FSTL4: variants seen among roughly 807,000 people sequenced by gnomAD.
FSTL4 encodes follistatin-related protein 4.
In FSTL4, 28 loss-of-function variants were observed where a neutral mutation model predicts 78.2. The ratio of observed to expected loss-of-function variants is 0.36; its 90% CI spans 0.27 to 0.49. The LOEUF (loss-of-function observed/expected upper bound fraction) is 0.49, where lower values mean the gene tolerates loss of function less well. FSTL4 is among the 20% of genes least tolerant of loss of function. The pLI is 0.98. For missense variants in FSTL4, 922 were observed against 1,084.9 expected, an observed-to-expected ratio of 0.85 and a Z score of 2.11; for synonymous variants, 422 against 440.5, an observed-to-expected ratio of 0.96 and a Z score of 0.53.
chr5:133,839,293 C>A, the FSTL4 span, among the ~76,000 whole-genome samples: 1 of 152,164 alleles, frequency 6.6e-6, no homozygotes, highest in Non-Finnish European at 1.5e-5. Flanking sequence ...TCCTCATGGT[C>A]CACTCTACCT....
chr5:133,253,090 G>A (rs745357737), intron 6 of FSTL4, among the ~76,000 whole-genome samples: 6 of 152,208 alleles, frequency 3.9e-5, no homozygotes, highest in Non-Finnish European at 8.8e-5. Flanking sequence ...TTTAATTTGT[G>A]TCAATATTCC....
Position 133,338,897 on chromosome 5 carries a change from C to T in FSTL4, c.410-22245G>A, listed in dbSNP as rs1350286237. Among the ~76,000 whole-genome samples, 1 of 152,150 alleles carries T rather than the reference C, an allele frequency of 6.6e-6. No individual in the cohort carries two copies. The highest frequency in any genetic ancestry group is 1.5e-5 in the Non-Finnish European group (1 of 68,032). On this transcript the variant is annotated intron_variant, in intron 4 of 15. Coordinates refer to ENST00000265342, the MANE Select transcript of FSTL4 (RefSeq NM_015082.2). The surrounding 1 kb of genome is among the most constrained non-coding windows in gnomAD (Gnocchi z 4.0). ...GCCAGTTTCCCACCACTCCTACCAC[C>T]TCTGCTGTAGTTCAGGAAGCCATTA...
intron 13 of FSTL4, among the ~76,000 whole-genome samples, chr5:133,212,597 G>A (rs1057344964): frequency 2.0e-5 from 3 of 152,128 alleles, no homozygotes; most frequent in Non-Finnish European, 4.4e-5. Context: ...AATTGAAGCA[G>A]AAAGAGACAT....
At chr5:133,358,057 T>G (rs1754978998) in intron 4 of FSTL4, among the ~76,000 whole-genome samples, 1 of 152,328 alleles carries the variant, frequency 6.6e-6, no homozygotes, top group Non-Finnish European at 1.5e-5. Context: ...CCACCTGCTA[T>G]CTGCTCAGCT....
the FSTL4 span, among the ~76,000 whole-genome samples, chr5:133,646,809 A>C: frequency 6.6e-6 from 1 of 152,036 alleles, no homozygotes; most frequent in South Asian, 2.1e-4. Context: ...GGTGAGGAAG[A>C]CCCAAGAGAA....
At chr5:133,735,112 C>T in the FSTL4 span, among the ~76,000 whole-genome samples, 2 of 152,118 alleles carry the variant, frequency 1.3e-5, no homozygotes, top group Non-Finnish European at 2.9e-5. Flanking sequence ...AAGGGAGTCC[C>T]CTGGCAAGCC....
chr5:133,633,905 A>G, the FSTL4 span, among the ~76,000 whole-genome samples: 110,157 of 151,822 alleles, frequency 0.73, 40,355 homozygotes, highest in African/African-American at 0.82. Context: ...TAGGAATTCA[A>G]TCTTCCTATT....
At chr5:133,405,876 C>T (rs35885422) in intron 3 of FSTL4, among the ~76,000 whole-genome samples, 10,850 of 152,284 alleles carry the variant, frequency 0.071, 526 homozygotes, top group Admixed American at 0.16. Flanking sequence ...GGGGCACTTC[C>T]GCAGTTCCTG....
chr5:133,389,170 G>T (rs2126959504), intron 4 of FSTL4, among the ~76,000 whole-genome samples: 1 of 152,208 alleles, frequency 6.6e-6, no homozygotes, highest in South Asian at 2.1e-4. Flanking sequence ...TTTCCCCAAA[G>T]CATGCTCTTT....
intron 13 of FSTL4, among the ~76,000 whole-genome samples, chr5:133,212,499 T>C (rs1174872152): frequency 1.3e-5 from 2 of 152,226 alleles, no homozygotes; most frequent in African/African-American, 2.4e-5. Flanking sequence ...TCTCTTTGCC[T>C]AGCAGAGGAA....
intron 13 of FSTL4, among the ~76,000 whole-genome samples, chr5:133,215,383 A>G (rs1581532766): frequency 6.6e-6 from 1 of 152,138 alleles, no homozygotes; most frequent in Non-Finnish European, 1.5e-5. Flanking sequence ...ACCCAAATCG[A>G]TATCTCTAGC....
At chr5:133,813,440 A>T in the FSTL4 span, among the ~76,000 whole-genome samples, 1 of 152,224 alleles carries the variant, frequency 6.6e-6, no homozygotes, top group Non-Finnish European at 1.5e-5. Flanking sequence ...TGGACTAGTC[A>T]CATTTTACAG....
intron 3 of FSTL4, among the ~76,000 whole-genome samples, chr5:133,556,248 C>T (rs1195864002): frequency 6.6e-6 from 1 of 152,184 alleles, no homozygotes; most frequent in African/African-American, 2.4e-5. Flanking sequence ...ACAAAAGGTC[C>T]TCATTTTTTA....
chr5:133,360,913 C>T (rs181518486), intron 4 of FSTL4, among the ~76,000 whole-genome samples: 106 of 152,266 alleles, frequency 7.0e-4, no homozygotes, highest in African/African-American at 2.5e-3. Flanking sequence ...GCCATCTTAC[C>T]GTGTGTTGCA....
intron 3 of FSTL4, among the ~76,000 whole-genome samples, chr5:133,466,960 A>ATG (rs1421125154): frequency 1.5e-5 from 2 of 131,586 alleles, no homozygotes; most frequent in Non-Finnish European, 3.0e-5. Flanking sequence ...GAGTGACTGT[A>ATG]TGTGTGTGTA....
At chr5:133,559,787 GGAC>G (rs1759874337) in intron 3 of FSTL4, among the ~76,000 whole-genome samples, 1 of 152,164 alleles carries the variant, frequency 6.6e-6, no homozygotes, top group Non-Finnish European at 1.5e-5. Context: ...TCTAGCAGAG[GGAC>G]CCACAAGTTG....
At position 133,273,089 on chromosome 5, in the gene FSTL4, C is replaced by T. The variant is rs79646800; in HGVS notation, c.728-23513G>A. ...GAGAGGTTAGTCCCTTGTCACAGTT[C>T]TGACCTTCCTGGTTGACTCTTGTGA... is the stretch of plus-strand genomic sequence containing the variant. On this transcript the variant is annotated intron_variant, in intron 6 of 15. Coordinates refer to ENST00000265342, the MANE Select transcript of FSTL4 (RefSeq NM_015082.2). 3.1e-3 allele frequency among the ~76,000 whole-genome samples: 465 copies of T among 152,362 alleles called. 3 individuals are homozygous for T. Among genetic ancestry groups the T allele is most frequent in the African/African-American group, 0.011 (448 of 41,584 alleles).
At chr5:133,670,225 A>G in the FSTL4 span, among the ~76,000 whole-genome samples, 2 of 152,268 alleles carry the variant, frequency 1.3e-5, no homozygotes, top group African/African-American at 4.8e-5. Flanking sequence ...AGTGTTTTTA[A>G]TATGAATTGA....
At chr5:133,558,380 G>C (rs1759835511) in intron 3 of FSTL4, among the ~76,000 whole-genome samples, 1 of 152,204 alleles carries the variant, frequency 6.6e-6, no homozygotes, top group Non-Finnish European at 1.5e-5. Flanking sequence ...GAGCCCCGAA[G>C]AACAGGGTAG....
Sources: gnomAD v4.1 joint callset for allele counts (sites outside exome capture counted in the v4.1 genomes callset) on GRCh38, gnomAD v4.1.1 for gene constraint, Gnocchi (gnomAD v3.1) non-coding constraint, MANE v1.5 for transcripts, NCBI Gene and HGNC (gene_info 2026-07-23, HGNC 2026-07-21) for gene names.